The following KLHL33 variants were observed in gnomAD, a reference collection of about 807,000 sequenced individuals.
KLHL33 encodes kelch like family member 33.
KLHL33 carries 46 observed loss-of-function variants against 60.8 expected under a neutral mutation model. The observed-to-expected ratio is 0.76, with a 90% CI of 0.60 to 0.97. The LOEUF is 0.97. Among genes scored for constraint, KLHL33 ranks in the 50% least tolerant of loss-of-function variants. The pLI, the probability that KLHL33 is intolerant of heterozygous loss-of-function variation, is 0.00. For missense variants in KLHL33, 1,055 were observed against 1,000.0 expected, an observed-to-expected ratio of 1.05 and a Z score of -0.74; for synonymous variants, 434 against 432.2, an observed-to-expected ratio of 1.00 and a Z score of -0.05.
chr14:20,433,050 CTTTGT>C (rs1364160224), intron 2 of KLHL33, among the ~76,000 whole-genome samples: 10 of 152,042 alleles, frequency 6.6e-5, no homozygotes, highest in Non-Finnish European at 1.0e-4. Flanking sequence ...AAAATGTCCT[CTTTGT>C]TTTATTTTTT....
Position 20,428,823 on chromosome 14 carries a change from T to C in KLHL33, c.*26A>G, listed in dbSNP as rs1566498405. The C allele has an allele frequency of 1.3e-6, 2 of 1,524,906 alleles. No individual in the cohort carries two copies. The highest frequency in any genetic ancestry group is 1.8e-6 in the Non-Finnish European group (2 of 1,127,192). 94.5% of individuals were successfully genotyped at this position (1,524,906 alleles called of 1,614,324 possible). A position where few individuals can be genotyped will look rare whatever the true frequency, so the allele number is the denominator to read the frequency against. On this transcript the variant is annotated 3_prime_UTR_variant, in exon 5 of 5. Coordinates refer to ENST00000636854, the MANE Select transcript of KLHL33 (RefSeq NM_001365790.2). Reference sequence around the variant, plus strand: ...TCTCAGGCTATTTCTTATGCCCTCCTCTCCCCATACACTGTTGCTCCCTCT... The same window carrying C: ...TCTCAGGCTATTTCTTATGCCCTCCCCTCCCCATACACTGTTGCTCCCTCT...
Position 20,435,430 on chromosome 14 carries a change from G to A in KLHL33, c.382C>T (p.Arg128Trp). Residue 128 changes from arginine (R) to tryptophan (W), a missense_variant, in exon 2 of 5, where the codon CGG becomes TGG. Physicochemically the swap from Arg to Trp is moderately radical, Grantham distance 101 (BLOSUM62 -3). Coordinates refer to ENST00000636854, the MANE Select transcript of KLHL33 (RefSeq NM_001365790.2). ...SVAGRVYGVHRVILAAISSLF... is the reference protein window; with the variant it reads ...SVAGRVYGVHWVILAAISSLF... ...CTGCTGATTGCGGCCAGGATCACCC[G>A]ATGCACCCCGTATACCCGCCCCGCG... The A allele has an allele frequency of 8.1e-7, 1 of 1,234,406 alleles. No homozygotes were observed. Among genetic ancestry groups the A allele is most frequent in the Middle Eastern group, 2.1e-4 (1 of 4,840 alleles). The allele number at this position is 1,234,406 out of a possible 1,614,324, so 76.5% of individuals were successfully genotyped here.
rs1430474764 is a variant in KLHL33 at position 20,429,101 on chromosome 14, G to C, written c.2142C>G (p.Pro714=). The change falls in exon 5 of 5, where the codon CCC becomes CCG. Residue 714 remains proline, a synonymous_variant. Coordinates refer to ENST00000636854, the MANE Select transcript of KLHL33 (RefSeq NM_001365790.2). ...CAGCCCCCACATGGGGGGAGGGTAG[G>C]GGTGCCAGGTGAGTCCAGCTATCAG... ...LRTDSWTHLA[P]LPSPHVGAAS... 6.4e-7 allele frequency: 1 copy of C among 1,551,554 alleles called. No homozygotes were observed. Among genetic ancestry groups the C allele is most frequent in the Non-Finnish European group, 8.7e-7 (1 of 1,146,998 alleles).
Position 20,430,163 on chromosome 14 carries a change from C to T in KLHL33, c.1305G>A (p.Glu435=). 6.4e-7 allele frequency: 1 copy of T among 1,551,596 alleles called. No homozygotes were observed. The highest frequency in any genetic ancestry group is 8.7e-7 in the Non-Finnish European group (1 of 1,146,996). ...GCCCGGCTGCCCGCACCCTCCGCAA[C>T]TCCCTGGTGGACATGCGGCCAAAGC... ...CVRFGRMSTR[E]LRRVRAAGLL... Residue 435 remains glutamate, a synonymous_variant, in exon 3 of 5, where the codon GAG becomes GAA. Coordinates refer to ENST00000636854, the MANE Select transcript of KLHL33 (RefSeq NM_001365790.2).
intron 2 of KLHL33, among the ~76,000 whole-genome samples, chr14:20,434,276 G>A (rs1053998451): frequency 1.3e-5 from 2 of 152,128 alleles, no homozygotes; most frequent in Non-Finnish European, 2.9e-5. Flanking sequence ...GCCGGGTGCA[G>A]TGACTCATGC....
intron 2 of KLHL33, among the ~76,000 whole-genome samples, chr14:20,432,569 T>A (rs939449950): frequency 1.3e-5 from 2 of 151,992 alleles, no homozygotes; most frequent in African/African-American, 4.8e-5. Context: ...TTGAACAAAC[T>A]CACTTTAAAA....
In KLHL33 at chr14:20,428,968, G is replaced by A. The variant is rs1331789032; in HGVS notation, c.2275C>T (p.Leu759Phe). 8 of 1,551,688 alleles carry A rather than the reference G, an allele frequency of 5.2e-6. No homozygotes were observed. The South Asian group carries it at 9.5e-5, about 18-fold the overall frequency. ...HAYCPGLGRWLCLGTLPRPRA... is the reference protein window; with the variant it reads ...HAYCPGLGRWFCLGTLPRPRA... ...GGCCTTGGCAGAGTTCCCAGGCAGA[G>A]CCATCGGCCCAGGCCAGGACAGTAG... is the stretch of plus-strand genomic sequence containing the variant. The change falls in exon 5 of 5, where the codon CTC becomes TTC. Residue 759 changes from leucine (L) to phenylalanine (F), a missense_variant. Transcript: ENST00000636854.
In KLHL33 at chr14:20,428,698, C is replaced by T. The variant is rs7140768; in HGVS notation, c.*151G>A. On this transcript the variant is annotated 3_prime_UTR_variant, in exon 5 of 5. Coordinates refer to ENST00000636854, the MANE Select transcript of KLHL33 (RefSeq NM_001365790.2). ...AGTTCTGGAACCACCATTTCCTCAACGGAGATCATACGTACAAAAGCAGTT... is the reference window on the plus strand; with the variant it reads ...AGTTCTGGAACCACCATTTCCTCAATGGAGATCATACGTACAAAAGCAGTT... 415,987 of 717,230 alleles carry T rather than the reference C, an allele frequency of 0.58. 121,551 individuals are homozygous for T. The highest frequency in any genetic ancestry group is 0.67 in the South Asian group (33,796 of 50,160). The allele number at this position is 717,230 out of a possible 1,614,324, so 44.4% of individuals were successfully genotyped here. A position where few individuals can be genotyped will look rare whatever the true frequency, so the allele number is the denominator to read the frequency against.
chr14:20,428,659 A>C lies in KLHL33; in HGVS notation c.*190T>G. The C allele has an allele frequency of 1.7e-6, 1 of 596,390 alleles. No individual in the cohort carries two copies. The highest frequency in any genetic ancestry group is 2.9e-6 in the Non-Finnish European group (1 of 342,316). 36.9% of individuals were successfully genotyped at this position (596,390 alleles called of 1,614,324 possible). On this transcript the variant is annotated 3_prime_UTR_variant, in exon 5 of 5. Transcript: ENST00000636854. ...ATTCAGCTGCCTCCCCTTTCCCTAT[A>C]TGTTTTCCCTAGGAGTTCTGGAACC...
rs780416931 is a variant in KLHL33 at position 20,430,521 on chromosome 14, T to C, written c.947A>G (p.Gln316Arg). The C allele has an allele frequency of 2.6e-6, 4 of 1,546,656 alleles. No homozygotes were observed. The highest frequency in any genetic ancestry group is 1.7e-6 in the Non-Finnish European group (2 of 1,147,006). The change falls in exon 3 of 5, where the codon CAG becomes CGG. Residue 316 changes from glutamine to arginine, a missense_variant. By Grantham distance (43) the Gln-to-Arg change is conservative (BLOSUM62 1). Transcript: ENST00000636854. ...GLLRAAQAAL[Q>R]YQSSSCLDLC... ...ATCCAAGCAGGAAGAGCTCTGGTAC[T>C]GCAGAGCAGCCTGGGCAGCTCTCAG...
chr14:20,433,011 G>A (rs76616972), intron 2 of KLHL33, among the ~76,000 whole-genome samples: 142 of 141,430 alleles, frequency 1.0e-3, no homozygotes, highest in African/African-American at 3.0e-3. Context: ...TAATTTTGTC[G>A]TGCATGATAA....
chr14:20,435,484 T>G lies in KLHL33; in HGVS notation c.328A>C (p.Arg110=). 1 of 1,234,596 alleles carries G rather than the reference T, an allele frequency of 8.1e-7. No individual in the cohort carries two copies. The highest frequency in any genetic ancestry group is 1.0e-6 in the Non-Finnish European group (1 of 988,330). The allele number at this position is 1,234,596 out of a possible 1,614,324, so 76.5% of individuals were successfully genotyped here. The change falls in exon 2 of 5, where the codon AGA becomes CGA. Residue 110 remains arginine (R), a synonymous_variant. Coordinates refer to ENST00000636854, the MANE Select transcript of KLHL33 (RefSeq NM_001365790.2). ...FAEAQRLREQ[R]LLLDEEVSVA... is the part of the protein sequence containing the mutation. ...GACACCTCTTCGTCCAGCAACAGTCTCTGCTCCCGCAGCCGCTGGGCCTCG... is the reference window on the plus strand; with the variant it reads ...GACACCTCTTCGTCCAGCAACAGTCGCTGCTCCCGCAGCCGCTGGGCCTCG...
At chr14:20,430,758 A>G (rs4982086) in intron 2 of KLHL33, 39 bp from the exon 3 acceptor site, 864,282 of 1,404,754 alleles carry the variant, frequency 0.62, 267,827 homozygotes, top group African/African-American at 0.76. Context: ...GACTCAAAGT[A>G]TTGCAAGACC....
chr14:20,432,087 T>C lies in KLHL33; in HGVS notation c.749-1368A>G, dbSNP rs542974191. Among the ~76,000 whole-genome samples the C allele has an allele frequency of 3.0e-4, 46 of 151,198 alleles. 1 individual carries two copies. Among genetic ancestry groups the C allele is most frequent in the Admixed American group, 2.0e-3 (30 of 15,136 alleles). On this transcript the variant is annotated intron_variant, in intron 2 of 4. Transcript: ENST00000636854. ...ATTTAGAGGGGAAAAACCACACAAA[T>C]CAAGAAAATGGAGCATTTTATAGGA... is the stretch of plus-strand genomic sequence containing the variant.
chr14:20,432,964 A>AAGAG lies in KLHL33; in HGVS notation c.748+2099_748+2100insCTCT, dbSNP rs1555330521. ...AAAGAAAGAAAGAAAGAAAGAAAGA[A>AAGAG]AGAAAGAAAGAAAGAAAGAAAGAGA... On this transcript the variant is annotated intron_variant, in intron 2 of 4. Transcript: ENST00000636854. Among the ~76,000 whole-genome samples the AAGAG allele has an allele frequency of 1.8e-3, 276 of 151,662 alleles. 3 individuals are homozygous for AAGAG. Among genetic ancestry groups the AAGAG allele is most frequent in the African/African-American group, 6.4e-3 (266 of 41,320 alleles).
intron 2 of KLHL33, among the ~76,000 whole-genome samples, chr14:20,434,012 A>G (rs936228905): frequency 1.3e-5 from 2 of 152,234 alleles, no homozygotes; most frequent in African/African-American, 4.8e-5. Context: ...AGACTGGACT[A>G]GTGATGTAGG....
At chr14:20,431,024 A>G (rs1286604080) in intron 2 of KLHL33, among the ~76,000 whole-genome samples, 1 of 152,228 alleles carries the variant, frequency 6.6e-6, no homozygotes, top group Non-Finnish European at 1.5e-5. Flanking sequence ...ACACTTAGAT[A>G]AACATTGCTT....
intron 2 of KLHL33, 37 bp from the exon 3 acceptor site, chr14:20,430,756 G>T: frequency 7.0e-7 from 1 of 1,423,836 alleles, no homozygotes; most frequent in Non-Finnish European, 9.3e-7. Context: ...AGGACTCAAA[G>T]TATTGCAAGA....
rs1880395226 is a variant in KLHL33 at position 20,429,109 on chromosome 14, G to C, written c.2134C>G (p.Leu712Val). ...YELRTDSWTH[L>V]APLPSPHVGA... ...ACATGGGGGGAGGGTAGGGGTGCCA[G>C]GTGAGTCCAGCTATCAGTCCTTAGT... is the stretch of plus-strand genomic sequence containing the variant. Residue 712 changes from leucine (L) to valine (V), a missense_variant, in exon 5 of 5, where the codon CTG (leucine) becomes GTG (valine). Coordinates refer to ENST00000636854, the MANE Select transcript of KLHL33 (RefSeq NM_001365790.2). 6.4e-7 allele frequency: 1 copy of C among 1,551,648 alleles called. No individual in the cohort carries two copies.
Sources: allele counts gnomAD v4.1 joint callset (sites outside exome capture counted in the v4.1 genomes callset), GRCh38; gene constraint gnomAD v4.1.1; transcripts MANE v1.5; gene names NCBI Gene and HGNC (gene_info 2026-07-23, HGNC 2026-07-21).